DPP10: variants seen among roughly 807,000 people sequenced by gnomAD.
DPP10 encodes inactive dipeptidyl peptidase 10.
In DPP10, 33 loss-of-function variants were observed where a neutral mutation model predicts 120.9. The ratio of observed to expected loss-of-function variants is 0.27; its 90% confidence interval spans 0.21 to 0.37. The LOEUF is 0.37. Ranked by LOEUF, DPP10 falls within the 10% of genes least tolerant of loss-of-function variation. DPP10 has a pLI of 1.00. For synonymous variants in DPP10, 337 were observed against 326.1 expected (o/e 1.03, Z -0.36); for missense variants, 816 against 942.8 (o/e 0.87, Z 1.76).
intron 1 of DPP10, among the ~76,000 whole-genome samples, chr2:115,005,771 G>A (rs1348043962): frequency 6.6e-6 from 1 of 152,078 alleles, no homozygotes; most frequent in Admixed American, 6.6e-5. Context: ...GGGGAGAATG[G>A]AACCAAGTTG....
chr2:115,103,210 C>A (rs781732111), intron 1 of DPP10, among the ~76,000 whole-genome samples: 61 of 119,644 alleles, frequency 5.1e-4, no homozygotes, highest in Non-Finnish European at 9.1e-4. Context: ...TTTTTTGAGA[C>A]GGAGTCTCAC....
chr2:115,616,283 T>G (rs2084489772), intron 5 of DPP10, among the ~76,000 whole-genome samples: 1 of 152,026 alleles, frequency 6.6e-6, no homozygotes. Context: ...ATGTATATTA[T>G]CTCATTCAAT....
At chr2:114,739,969 A>C (rs1046396456) in intron 1 of DPP10, among the ~76,000 whole-genome samples, 2 of 152,112 alleles carry the variant, frequency 1.3e-5, no homozygotes, top group African/African-American at 4.8e-5. Context: ...GGGATCTAGA[A>C]CTAGAAATGC....
chr2:115,519,649 G>C (rs974101054), intron 4 of DPP10, among the ~76,000 whole-genome samples: 1 of 152,128 alleles, frequency 6.6e-6, no homozygotes, highest in Non-Finnish European at 1.5e-5. Context: ...AAAGCTATTT[G>C]CTTCTTTTCT....
At chr2:114,590,368 C>T (rs1252986718) in intron 1 of DPP10, among the ~76,000 whole-genome samples, 1 of 152,056 alleles carries the variant, frequency 6.6e-6, no homozygotes, top group Non-Finnish European at 1.5e-5. Context: ...TAATATGAAT[C>T]AGATCTTCAC....
At chr2:114,816,005 T>A (rs1685613365) in intron 1 of DPP10, among the ~76,000 whole-genome samples, 1 of 152,074 alleles carries the variant, frequency 6.6e-6, no homozygotes, top group Non-Finnish European at 1.5e-5. Flanking sequence ...GTGTTTGGCA[T>A]CCCAACAGTA....
At chr2:114,572,532 T>C (rs949413490) in intron 1 of DPP10, among the ~76,000 whole-genome samples, 27 of 152,174 alleles carry the variant, frequency 1.8e-4, no homozygotes, top group Non-Finnish European at 2.2e-4. Context: ...ATGAGAAACA[T>C]GATCAGAAGA....
chr2:114,822,606 C>A (rs1686195019), intron 1 of DPP10, among the ~76,000 whole-genome samples: 1 of 151,862 alleles, frequency 6.6e-6, no homozygotes, highest in South Asian at 2.1e-4. Flanking sequence ...TGCAAATTTT[C>A]CAAACTTTTT....
intron 1 of DPP10, among the ~76,000 whole-genome samples, chr2:114,525,294 A>G (rs1351897651): frequency 6.6e-6 from 1 of 152,238 alleles, no homozygotes; most frequent in African/African-American, 2.4e-5. Context: ...AAGGGATTTT[A>G]GGCACCTTAA....
At chr2:115,325,510 G>T (rs370410867) in intron 2 of DPP10, among the ~76,000 whole-genome samples, 2 of 152,062 alleles carry the variant, frequency 1.3e-5, no homozygotes, top group Admixed American at 1.3e-4. Flanking sequence ...AATAAAGTAC[G>T]TTCAGTAGAA....
intron 1 of DPP10, among the ~76,000 whole-genome samples, chr2:114,443,297 T>C (rs191612136): frequency 6.6e-6 from 1 of 152,238 alleles, no homozygotes; most frequent in Non-Finnish European, 1.5e-5. Flanking sequence ...ATTGAACTGG[T>C]GGTTATACTA....
chr2:114,865,269 T>C (rs1690133415), intron 1 of DPP10, among the ~76,000 whole-genome samples: 1 of 152,232 alleles, frequency 6.6e-6, no homozygotes, highest in Non-Finnish European at 1.5e-5. Flanking sequence ...TTGGTCTCAA[T>C]ATACTAATTG....
intron 1 of DPP10, among the ~76,000 whole-genome samples, chr2:114,605,405 C>G (rs1692705121): frequency 6.6e-6 from 1 of 152,088 alleles, no homozygotes; most frequent in African/African-American, 2.4e-5. Context: ...GAATGAAAAC[C>G]TTCATGTTGT....
chr2:114,898,283 A>G (rs955319510), intron 1 of DPP10, among the ~76,000 whole-genome samples: 5 of 145,372 alleles, frequency 3.4e-5, no homozygotes, highest in African/African-American at 9.9e-5. Context: ...TCACTCGTAG[A>G]TGGGAATTGA....
intron 11 of DPP10, among the ~76,000 whole-genome samples, chr2:115,762,291 A>C (rs564520135): frequency 4.6e-5 from 7 of 152,182 alleles, no homozygotes; most frequent in African/African-American, 1.7e-4. Context: ...GAATGAGGTA[A>C]TCAAACAGAG....
At chr2:114,477,462 C>T (rs2104649402) in intron 1 of DPP10, among the ~76,000 whole-genome samples, 1 of 151,388 alleles carries the variant, frequency 6.6e-6, no homozygotes, top group South Asian at 2.1e-4. Context: ...TATATTTATG[C>T]ACACATATAC....
intron 1 of DPP10, among the ~76,000 whole-genome samples, chr2:115,283,644 G>A (rs2060248470): frequency 6.6e-6 from 1 of 151,994 alleles, no homozygotes; most frequent in Non-Finnish European, 1.5e-5. Flanking sequence ...TTACCAGGTA[G>A]GGGAGAGGTC....
At chr2:115,455,106 A>C (rs1474020690) in intron 3 of DPP10, among the ~76,000 whole-genome samples, 4 of 151,658 alleles carry the variant, frequency 2.6e-5, no homozygotes, top group Non-Finnish European at 5.9e-5. Flanking sequence ...ATAAATAAAA[A>C]AGATTAAAAA....
chr2:115,343,585 AT>A (rs993144246), intron 2 of DPP10, among the ~76,000 whole-genome samples: 1 of 152,150 alleles, frequency 6.6e-6, no homozygotes, highest in African/African-American at 2.4e-5. Flanking sequence ...GTAACATGGG[AT>A]TGCTCTATTA....
Sources: allele counts gnomAD v4.1 joint callset (sites outside exome capture counted in the v4.1 genomes callset), GRCh38; gene constraint gnomAD v4.1.1; transcripts MANE v1.5; gene names NCBI Gene and HGNC (gene_info 2026-07-23, HGNC 2026-07-21).